GRK7: variants seen among roughly 807,000 people sequenced by gnomAD.
The protein encoded by GRK7 is G protein-coupled receptor kinase 7.
A neutral mutation model predicts 34.1 loss-of-function variants in GRK7; 24 were observed. That is an observed-to-expected ratio of 0.70 (90% CI 0.51 to 0.99). The LOEUF (loss-of-function observed/expected upper bound fraction) is 0.99, where lower values mean the gene tolerates loss of function less well. Among genes scored for constraint, GRK7 ranks in the 50% least tolerant of loss-of-function variants. The pLI is 0.00. For missense variants in GRK7, 644 were observed against 707.3 expected, an observed-to-expected ratio of 0.91 and a Z score of 1.02; for synonymous variants, 256 against 279.4, an observed-to-expected ratio of 0.92 and a Z score of 0.84.
rs138267509 is a variant in GRK7, at chr3:141,778,758, G to T, written c.474G>T (p.Leu158Phe). The stretch of plus-strand genomic sequence containing the variant: ...CCAAGGCTGAGGCCATGGCTTTCTT[G>T]CAAGAGCAGCCCTTTAAGGATTTCG... ...TLAKAEAMAF[L>F]QEQPFKDFVT... Residue 158 changes from leucine to phenylalanine, a missense_variant, in exon 3 of 6, where the codon TTG becomes TTT. Leu to Phe is a conservative substitution (Grantham distance 22). Coordinates refer to ENST00000682958, the MANE Select transcript of GRK7 (RefSeq NM_139209.3). This position sits in a 1 kb window ranked among gnomAD's most constrained non-coding sequence, Gnocchi z 4.1. 214 of 1,608,530 alleles carry T rather than the reference G, an allele frequency of 1.3e-4. No individual in the cohort carries two copies. The highest frequency in any genetic ancestry group is 1.8e-4 in the Non-Finnish European group (211 of 1,177,274).
At chr3:141,785,400 C>T (rs1209849298) in intron 4 of GRK7, among the ~76,000 whole-genome samples, 1 of 152,152 alleles carries the variant, frequency 6.6e-6, no homozygotes, top group African/African-American at 2.4e-5. Flanking sequence ...CAGGCCTAAT[C>T]CCAGCACTTT....
chr3:141,803,325 A>C (rs898142316), intron 4 of GRK7, among the ~76,000 whole-genome samples: 10 of 150,958 alleles, frequency 6.6e-5, no homozygotes, highest in African/African-American at 2.2e-4. Flanking sequence ...CCAGCTATTC[A>C]GGAGCTGAGG....
At chr3:141,776,353 C>T (rs1364648963) in intron 2 of GRK7, among the ~76,000 whole-genome samples, 2 of 151,888 alleles carry the variant, frequency 1.3e-5, no homozygotes, top group African/African-American at 2.4e-5. Flanking sequence ...TCAATGCTAC[C>T]GTTTTCTCAA....
intron 2 of GRK7, among the ~76,000 whole-genome samples, chr3:141,777,957 C>T (rs1457016337): frequency 6.6e-6 from 1 of 152,192 alleles, no homozygotes; most frequent in Non-Finnish European, 1.5e-5. Flanking sequence ...GAACACAGTT[C>T]TAGCTAGATA....
chr3:141,777,260 C>T (rs2084643868), intron 2 of GRK7, among the ~76,000 whole-genome samples: 1 of 149,922 alleles, frequency 6.7e-6, no homozygotes, highest in South Asian at 2.1e-4. Flanking sequence ...CCCTTCATTT[C>T]AGGAATATGG....
chr3:141,817,093 A>G lies in GRK7; in HGVS notation c.*43A>G. 1 of 1,426,974 alleles carries G rather than the reference A, an allele frequency of 7.0e-7. No individual in the cohort carries two copies. Among genetic ancestry groups the G allele is most frequent in the Admixed American group, 2.0e-5 (1 of 49,678 alleles). The allele number at this position is 1,426,974 out of a possible 1,614,324, so 88.4% of individuals were successfully genotyped here. Reference sequence around the variant, plus strand: ...ACAGGCAGCAGGAGTCTCGGCTGACATAATCCTCGAATGTTCCACACGTGG... The same window carrying G: ...ACAGGCAGCAGGAGTCTCGGCTGACGTAATCCTCGAATGTTCCACACGTGG... On this transcript the variant is annotated 3_prime_UTR_variant, in exon 6 of 6. Transcript: ENST00000682958.
intron 3 of GRK7, 148 bp from the exon 4 acceptor site, chr3:141,780,226 C>A (rs568268866): frequency 6.4e-5 from 43 of 667,868 alleles, no homozygotes; most frequent in Non-Finnish European, 1.0e-4. Context: ...ACTGTAGTCC[C>A]CACTTTTTCT....
At chr3:141,801,310 C>CAAAAAAAAAAAAAAAAAAA (rs55657739) in intron 4 of GRK7, among the ~76,000 whole-genome samples, 1 of 70,012 alleles carries the variant, frequency 1.4e-5, no homozygotes, top group Non-Finnish European at 2.6e-5. Flanking sequence ...GACTCCGTCT[C>CAAAAAAAAAAAAAAAAAAA]AAAAAAAAAA....
At chr3:141,766,297 G>C (rs1417415986) in intron 1 of GRK7, among the ~76,000 whole-genome samples, 1 of 151,950 alleles carries the variant, frequency 6.6e-6, no homozygotes, top group Non-Finnish European at 1.5e-5. Context: ...CCGAGTAGCT[G>C]GGACTACAGG....
intron 4 of GRK7, among the ~76,000 whole-genome samples, chr3:141,782,207 GA>G (rs1381840115): frequency 3.0e-4 from 45 of 152,320 alleles, no homozygotes; most frequent in African/African-American, 9.9e-4. Context: ...GGTAGGTGGG[GA>G]CATCAGTTAG....
At chr3:141,777,971 A>C (rs910640142) in intron 2 of GRK7, among the ~76,000 whole-genome samples, 1 of 152,200 alleles carries the variant, frequency 6.6e-6, no homozygotes, top group Non-Finnish European at 1.5e-5. Flanking sequence ...CTAGATATTC[A>C]GGGTACAGGG....
chr3:141,766,532 A>T (rs1242410794), intron 1 of GRK7, among the ~76,000 whole-genome samples: 1 of 152,312 alleles, frequency 6.6e-6, no homozygotes, highest in East Asian at 1.9e-4. Flanking sequence ...ATGTGAAAAA[A>T]AAAAGTCTTT....
In GRK7 at chr3:141,778,444, C is replaced by T. The variant is rs1451417647; in HGVS notation, c.160C>T (p.Leu54=). Residue 54 remains leucine (L), a synonymous_variant, in exon 3 of 6, where the codon CTG becomes TTG. Coordinates refer to ENST00000682958, the MANE Select transcript of GRK7 (RefSeq NM_139209.3). This position sits in a 1 kb window ranked among gnomAD's most constrained non-coding sequence, Gnocchi z 4.1. ...GCAELRQKLS[L]NFHSLCEQQP... ...CGCGGAGCTCCGCCAGAAGCTGTCC[C>T]TGAACTTCCACAGCCTGTGTGAGCA... 1 of 1,612,980 alleles carries T rather than the reference C, an allele frequency of 6.2e-7. No homozygotes were observed. Among genetic ancestry groups the T allele is most frequent in the East Asian group, 2.2e-5 (1 of 44,886 alleles).
chr3:141,762,580 C>T (rs954048041), upstream of GRK7, among the ~76,000 whole-genome samples: 1 of 151,414 alleles, frequency 6.6e-6, no homozygotes, highest in African/African-American at 2.4e-5. Flanking sequence ...TTGTCTGTGC[C>T]CTGCCCCCAG....
rs1487843223 is a variant in GRK7 at position 141,778,269 on chromosome 3, C to T, written c.-16C>T. On this transcript the variant is annotated 5_prime_UTR_variant, in exon 3 of 6. Transcript: ENST00000682958. The surrounding 1 kb of genome is among the most constrained non-coding windows in gnomAD (Gnocchi z 4.1). ...CCCTCTTGTGCTTTCCCTGGGAGTGCGCCCCGTGCTCAGCCATGGTGGACA... is the reference window on the plus strand; with the variant it reads ...CCCTCTTGTGCTTTCCCTGGGAGTGTGCCCCGTGCTCAGCCATGGTGGACA... The T allele has an allele frequency of 9.7e-6, 15 of 1,538,662 alleles. No homozygotes were observed. Among genetic ancestry groups the T allele is most frequent in the Middle Eastern group, 1.9e-4 (1 of 5,344 alleles).
intron 5 of GRK7, among the ~76,000 whole-genome samples, chr3:141,809,628 C>T (rs188968025): frequency 6.6e-6 from 1 of 152,042 alleles, no homozygotes; most frequent in African/African-American, 2.4e-5. Flanking sequence ...AGCCCAGGAG[C>T]TCAAGGCTGC....
chr3:141,764,375 A>G lies in GRK7; in HGVS notation c.-1578A>G, dbSNP rs2084570238. ...CATAAGGTTTTCATCCCACTACTTC[A>G]TAGAAACTGCTCTTGTCAAGCATCT... On this transcript the variant is annotated 5_prime_UTR_variant, in exon 1 of 6. Coordinates refer to ENST00000682958, the MANE Select transcript of GRK7 (RefSeq NM_139209.3). 6.6e-6 allele frequency among the ~76,000 whole-genome samples: 1 copy of G among 152,158 alleles called. No homozygotes were observed. The highest frequency in any genetic ancestry group is 1.5e-5 in the Non-Finnish European group (1 of 68,034).
At chr3:141,788,786 T>G (rs2084708886) in intron 4 of GRK7, among the ~76,000 whole-genome samples, 1 of 152,190 alleles carries the variant, frequency 6.6e-6, no homozygotes, top group Non-Finnish European at 1.5e-5. Context: ...GTCTCTGCAA[T>G]TGCTACCACT....
intron 4 of GRK7, among the ~76,000 whole-genome samples, chr3:141,783,881 G>A (rs2084683488): frequency 6.6e-6 from 1 of 152,138 alleles, no homozygotes; most frequent in Non-Finnish European, 1.5e-5. Flanking sequence ...GTGACAGAGT[G>A]TTTGCCTCCT....
Sources: gnomAD v4.1 joint callset for allele counts (sites outside exome capture counted in the v4.1 genomes callset) on GRCh38, gnomAD v4.1.1 for gene constraint, Gnocchi (gnomAD v3.1) non-coding constraint, MANE v1.5 for transcripts, NCBI Gene and HGNC (gene_info 2026-07-23, HGNC 2026-07-21) for gene names.